Variants in SMYD3 observed in about 807,000 individuals in gnomAD.
SMYD3 encodes the protein SET and MYND domain containing 3.
Under a neutral mutation model 57.7 loss-of-function variants are expected in SMYD3, and 36 were observed. That is an observed-to-expected ratio of 0.62 (90% CI 0.48 to 0.82). The LOEUF (loss-of-function observed/expected upper bound fraction) is 0.82. Among genes scored for constraint, SMYD3 ranks in the 40% least tolerant of loss-of-function variants. The pLI is 0.00. For missense variants in SMYD3, 515 were observed against 538.8 expected (o/e 0.96, Z 0.44); for synonymous variants, 211 against 195.0 (o/e 1.08, Z -0.68).
chr1:246,216,312 G>A (rs1444800487), intron 5 of SMYD3, among the ~76,000 whole-genome samples: 1 of 138,240 alleles, frequency 7.2e-6, no homozygotes, highest in Non-Finnish European at 1.5e-5. Flanking sequence ...CTCATAAGCA[G>A]ACTTCAGGAA....
chr1:245,824,537 T>A (rs1403838239), intron 10 of SMYD3, among the ~76,000 whole-genome samples: 1 of 150,984 alleles, frequency 6.6e-6, no homozygotes, highest in Admixed American at 6.6e-5. Context: ...GCCAACATGG[T>A]GAAACCCCCA....
chr1:246,304,079 T>A, intron 5 of SMYD3, among the ~76,000 whole-genome samples: 1 of 152,198 alleles, frequency 6.6e-6, no homozygotes, highest in East Asian at 1.9e-4. Flanking sequence ...TTATTTGTAA[T>A]ACATATTGGG....
intron 5 of SMYD3, among the ~76,000 whole-genome samples, chr1:246,095,844 C>T (rs1478792236): frequency 6.6e-6 from 1 of 152,084 alleles, no homozygotes; most frequent in African/African-American, 2.4e-5. Flanking sequence ...TCATTACACC[C>T]CAGCCTAAGC....
chr1:245,775,043 G>A (rs1324034198), intron 10 of SMYD3, among the ~76,000 whole-genome samples: 4 of 152,046 alleles, frequency 2.6e-5, no homozygotes, highest in African/African-American at 9.6e-5. Context: ...GCGTGATCTC[G>A]GCTGGCTACA....
At chr1:246,459,084 CTTCCCCGTGCTG>C (rs1263261697) in intron 1 of SMYD3, among the ~76,000 whole-genome samples, 1 of 152,168 alleles carries the variant, frequency 6.6e-6, no homozygotes, top group Non-Finnish European at 1.5e-5. Context: ...TGGGGGCAGA[CTTCCCCGTGCTG>C]TTCTCCTTAC....
chr1:246,219,601 G>A (rs955501879), intron 5 of SMYD3, among the ~76,000 whole-genome samples: 9 of 152,134 alleles, frequency 5.9e-5, no homozygotes, highest in Admixed American at 1.3e-4. Flanking sequence ...CTTTGCCCTC[G>A]TTAGCAGAAG....
chr1:245,959,238 A>G (rs921696983), intron 5 of SMYD3, among the ~76,000 whole-genome samples: 3 of 152,236 alleles, frequency 2.0e-5, no homozygotes, highest in African/African-American at 7.2e-5. Flanking sequence ...CTGGGATTAC[A>G]GGCATGAGCC....
chr1:245,876,580 C>T (rs140338012), intron 8 of SMYD3, among the ~76,000 whole-genome samples: 45 of 152,338 alleles, frequency 3.0e-4, no homozygotes, highest in African/African-American at 9.9e-4. Flanking sequence ...ATGTTCTCTG[C>T]TTTTGCACAA....
chr1:246,229,904 G>A (rs1167497205), intron 5 of SMYD3, among the ~76,000 whole-genome samples: 3 of 152,166 alleles, frequency 2.0e-5, no homozygotes, highest in African/African-American at 7.2e-5. Flanking sequence ...GATACTAGAA[G>A]TATTTTAATG....
At chr1:246,031,386 C>T (rs1463666488) in intron 5 of SMYD3, among the ~76,000 whole-genome samples, 1 of 151,926 alleles carries the variant, frequency 6.6e-6, no homozygotes, top group African/African-American at 2.4e-5. Flanking sequence ...CTGGCAAAAT[C>T]CATTATTACA....
In SMYD3 at chr1:245,928,201, G is replaced by C. The variant is rs903791813; in HGVS notation, c.600-168C>G. ...GGATGCATTCACAGAAATGTCACTA[G>C]CACACCTCCCACGAAGTGCAATTCT... On this transcript the variant is annotated intron_variant, in intron 6 of 11. Coordinates refer to ENST00000490107, the MANE Select transcript of SMYD3 (RefSeq NM_001167740.2). Among the ~76,000 whole-genome samples the C allele has an allele frequency of 3.1e-4, 47 of 152,062 alleles. 1 individual carries two copies. The highest frequency in any genetic ancestry group is 1.1e-3 in the African/African-American group (47 of 41,400).
intron 1 of SMYD3, among the ~76,000 whole-genome samples, chr1:246,486,610 G>T (rs1192420739): frequency 6.6e-6 from 1 of 152,120 alleles, no homozygotes; most frequent in African/African-American, 2.4e-5. Context: ...TTCTGTAGAT[G>T]AAGAAAATGA....
intron 1 of SMYD3, among the ~76,000 whole-genome samples, chr1:246,381,289 G>C (rs867214295): frequency 1.5e-4 from 23 of 152,094 alleles, no homozygotes; most frequent in African/African-American, 5.6e-4. Context: ...TATTAAAGAA[G>C]TGCCCAGCGA....
intron 5 of SMYD3, among the ~76,000 whole-genome samples, chr1:246,112,322 C>A (rs2061257547): frequency 6.6e-6 from 1 of 152,140 alleles, no homozygotes; most frequent in Non-Finnish European, 1.5e-5. Context: ...AGGATTTCCA[C>A]TGACAGTTAA....
intron 5 of SMYD3, among the ~76,000 whole-genome samples, chr1:246,268,767 C>G (rs1490257421): frequency 6.6e-6 from 1 of 152,044 alleles, no homozygotes; most frequent in African/African-American, 2.4e-5. Context: ...CAACCAGCAG[C>G]CCCTAGGGCT....
intron 1 of SMYD3, among the ~76,000 whole-genome samples, chr1:246,391,017 T>A (rs1010008829): frequency 6.6e-6 from 1 of 152,050 alleles, no homozygotes; most frequent in Non-Finnish European, 1.5e-5. Context: ...AATCCAACCA[T>A]ATCCAAAATT....
At chr1:246,492,769 ATATAGAGGTGGATTC>A (rs2068291461) in intron 1 of SMYD3, among the ~76,000 whole-genome samples, 2 of 152,222 alleles carry the variant, frequency 1.3e-5, no homozygotes, top group Non-Finnish European at 2.9e-5. Flanking sequence ...CTGTTTCTAA[ATATAGAGGTGGATTC>A]CTCCAGCCCT....
chr1:246,238,561 A>AG (rs35351852), intron 5 of SMYD3, among the ~76,000 whole-genome samples: 1 of 152,174 alleles, frequency 6.6e-6, no homozygotes, highest in African/African-American at 2.4e-5. Context: ...ACAGCTCCAC[A>AG]GGGGAGGAAA....
intron 5 of SMYD3, among the ~76,000 whole-genome samples, chr1:246,091,720 AAT>A (rs1344074177): frequency 6.6e-6 from 1 of 152,226 alleles, no homozygotes; most frequent in East Asian, 1.9e-4. Context: ...AGTTCTTGGA[AAT>A]ATGTGAGCTC....
Sources: gnomAD v4.1 joint callset for allele counts (sites outside exome capture counted in the v4.1 genomes callset) on GRCh38, gnomAD v4.1.1 for gene constraint, MANE v1.5 for transcripts, NCBI Gene and HGNC (gene_info 2026-07-23, HGNC 2026-07-21) for gene names.